The following TNFRSF19 variants were observed in gnomAD, a reference collection of about 807,000 sequenced individuals.
TNFRSF19 encodes TNF receptor superfamily member 19, also known as tumor necrosis factor receptor superfamily member 19.
TNFRSF19 carries 27 observed loss-of-function variants against 46.4 expected under a neutral mutation model. The observed-to-expected ratio is 0.58, with a 90% CI of 0.43 to 0.80. TNFRSF19 has a LOEUF of 0.80. TNFRSF19 is among the 30% of genes least tolerant of loss of function. The pLI, the probability that TNFRSF19 is intolerant of heterozygous loss-of-function variation, is 0.00. For missense variants in TNFRSF19, 511 were observed against 530.8 expected (o/e 0.96, Z 0.37); for synonymous variants, 204 against 205.0 (o/e 1.00, Z 0.04).
intron 4 of TNFRSF19, among the ~76,000 whole-genome samples, chr13:23,623,562 G>A (rs953829039): frequency 1.4e-4 from 21 of 152,082 alleles, no homozygotes; most frequent in African/African-American, 3.9e-4. Flanking sequence ...TTATTGTCCC[G>A]TCAGCAGTAT....
In TNFRSF19 at chr13:23,659,866, T is replaced by C. The variant is rs1023083267; in HGVS notation, c.611-499T>C. Among the ~76,000 whole-genome samples, 3 of 152,140 alleles carry C rather than the reference T, an allele frequency of 2.0e-5. No homozygotes were observed. The highest frequency in any genetic ancestry group is 7.2e-5 in the African/African-American group (3 of 41,424). On this transcript the variant is annotated intron_variant, in intron 6 of 9. Coordinates refer to ENST00000248484, the MANE Select transcript of TNFRSF19 (RefSeq NM_148957.4). The surrounding 1 kb of genome is among the most constrained non-coding windows in gnomAD (Gnocchi z 4.9). ...TAAGCTAGAGAAAAGAAAATGTTACTAAGAGAATCATAAGGGAGACAAAAT... is the reference window on the plus strand; with the variant it reads ...TAAGCTAGAGAAAAGAAAATGTTACCAAGAGAATCATAAGGGAGACAAAAT...
At position 23,570,485 on chromosome 13, in the gene TNFRSF19, G is replaced by A. The variant is rs950055203; in HGVS notation, c.-398G>A. 1.3e-5 allele frequency: 2 copies of A among 152,398 alleles called. No individual in the cohort carries two copies. The highest frequency in any genetic ancestry group is 4.2e-4 in the South Asian group (2 of 4,814). The allele number at this position is 152,398 out of a possible 1,614,324, so 9.4% of individuals were successfully genotyped here. A position where few individuals can be genotyped will look rare whatever the true frequency, so the allele number is the denominator to read the frequency against. On this transcript the variant is annotated 5_prime_UTR_variant, in exon 1 of 10. Transcript: ENST00000248484. ...AAAAAGCTACAGATCCAGCCACTCA[G>A]CCCAAGCATGGGAGAACTACCAGCA...
chr13:23,659,078 C>G lies in TNFRSF19; in HGVS notation c.474C>G (p.Ile158Met), dbSNP rs564197373. 5 of 1,613,918 alleles carry G rather than the reference C, an allele frequency of 3.1e-6. No homozygotes were observed. In the African/African-American group the frequency reaches 6.7e-5, roughly 22 times the overall value. Residue 158 changes from isoleucine to methionine, a missense_variant, in exon 6 of 10, where the codon ATC becomes ATG. Ile to Met is a conservative substitution (Grantham distance 10, BLOSUM62 1). Transcript: ENST00000248484. This position sits in a 1 kb window ranked among gnomAD's most constrained non-coding sequence, Gnocchi z 4.9. ...HCASKVNLVK[I>M]ASTASSPRDT... is the part of the protein sequence containing the mutation. ...CCAGCAAGGTCAACCTCGTGAAGAT[C>G]GCGTCCACGGCCTCCAGCCCACGGG...
intron 5 of TNFRSF19, among the ~76,000 whole-genome samples, chr13:23,657,229 C>T (rs1040390331): frequency 7.2e-5 from 11 of 152,178 alleles, no homozygotes; most frequent in Admixed American, 6.5e-4. Flanking sequence ...TACCAAGACT[C>T]ATGCTCCAAG....
intron 1 of TNFRSF19, among the ~76,000 whole-genome samples, chr13:23,589,437 A>G (rs557003927): frequency 6.6e-6 from 1 of 152,366 alleles, no homozygotes; most frequent in African/African-American, 2.4e-5. Context: ...GAAAGAATTC[A>G]TAAATGCAAA....
intron 5 of TNFRSF19, among the ~76,000 whole-genome samples, chr13:23,630,411 C>T (rs375324835): frequency 7.9e-5 from 12 of 151,566 alleles, no homozygotes; most frequent in Middle Eastern, 3.4e-3. Context: ...CCCTCTCTAT[C>T]TGGATCTGAG....
rs943094780 is a variant in TNFRSF19 at position 23,670,451 on chromosome 13, C to T, written c.1245+1354C>T. Among the ~76,000 whole-genome samples, 20 of 152,152 alleles carry T rather than the reference C, an allele frequency of 1.3e-4. 1 individual carries two copies. The highest frequency in any genetic ancestry group is 3.3e-4 in the Admixed American group (5 of 15,292). On this transcript the variant is annotated intron_variant, in intron 9 of 9. Transcript: ENST00000248484. The stretch of plus-strand genomic sequence containing the variant: ...GAATGGAGAAGTAAGAGAAGGGAGA[C>T]GAGTGAATGAAGGAAAAACAAATTA...
At chr13:23,598,195 T>G (rs1473352289) in intron 3 of TNFRSF19, among the ~76,000 whole-genome samples, 1 of 151,950 alleles carries the variant, frequency 6.6e-6, no homozygotes, top group Non-Finnish European at 1.5e-5. Flanking sequence ...TGAGAACACA[T>G]GGACACAGGG....
At chr13:23,629,076 C>T (rs1302220293) in intron 5 of TNFRSF19, among the ~76,000 whole-genome samples, 1 of 145,356 alleles carries the variant, frequency 6.9e-6, no homozygotes, top group Admixed American at 7.0e-5. Flanking sequence ...TTCATTTCTT[C>T]CACTTTGGGC....
At chr13:23,642,023 C>G (rs1883059012) in intron 5 of TNFRSF19, among the ~76,000 whole-genome samples, 1 of 152,138 alleles carries the variant, frequency 6.6e-6, no homozygotes, top group Non-Finnish European at 1.5e-5. Context: ...TACACTATGT[C>G]AAAATTGCAA....
At chr13:23,669,229 T>A in intron 9 of TNFRSF19, 132 bp downstream of exon 9, 1 of 1,417,904 alleles carries the variant, frequency 7.1e-7, no homozygotes, top group Non-Finnish European at 9.2e-7. Context: ...TTGTATGTTG[T>A]AGAGTATGTT....
At chr13:23,622,938 G>A (rs1881766480) in intron 4 of TNFRSF19, among the ~76,000 whole-genome samples, 1 of 152,140 alleles carries the variant, frequency 6.6e-6, no homozygotes. Flanking sequence ...TAAAAAAATT[G>A]TATATGCATT....
intron 5 of TNFRSF19, among the ~76,000 whole-genome samples, chr13:23,641,151 T>C (rs1429725377): frequency 6.6e-6 from 1 of 152,240 alleles, no homozygotes; most frequent in African/African-American, 2.4e-5. Flanking sequence ...AATTCTCTAA[T>C]GATCTATTTA....
chr13:23,577,103 C>T (rs1878011585), intron 1 of TNFRSF19, among the ~76,000 whole-genome samples: 1 of 152,204 alleles, frequency 6.6e-6, no homozygotes, highest in African/African-American at 2.4e-5. Context: ...ATATGGAGAA[C>T]CAGAAACTTA....
intron 1 of TNFRSF19, among the ~76,000 whole-genome samples, chr13:23,574,187 T>C (rs1246207240): frequency 2.0e-5 from 3 of 152,164 alleles, no homozygotes; most frequent in Middle Eastern, 3.2e-3. Flanking sequence ...TAATAGGGCT[T>C]ATCACCCTCT....
intron 1 of TNFRSF19, among the ~76,000 whole-genome samples, chr13:23,574,905 C>T (rs539089702): frequency 2.5e-3 from 379 of 152,340 alleles, no homozygotes; most frequent in Non-Finnish European, 2.3e-3. Context: ...AGTTTAAAAC[C>T]CTCCTTTGTG....
chr13:23,673,382 G>T lies in TNFRSF19; in HGVS notation c.*2G>T. 2 of 1,605,112 alleles carry T rather than the reference G, an allele frequency of 1.2e-6. No homozygotes were observed. Among genetic ancestry groups the T allele is most frequent in the Non-Finnish European group, 1.7e-6 (2 of 1,174,800 alleles). On this transcript the variant is annotated 3_prime_UTR_variant, in exon 10 of 10. Transcript: ENST00000248484. ...CTGTTGCTGTTTTAGGAAGCTTAAA[G>T]AACCTGCTTCTTTCTGCAGTAGAAG...
intron 3 of TNFRSF19, among the ~76,000 whole-genome samples, chr13:23,606,640 G>A (rs960996948): frequency 6.6e-6 from 1 of 152,158 alleles, no homozygotes; most frequent in Non-Finnish European, 1.5e-5. Flanking sequence ...ATATAAAAAT[G>A]AATGAATTTG....
At chr13:23,654,717 G>A (rs1483507683) in intron 5 of TNFRSF19, among the ~76,000 whole-genome samples, 2 of 152,222 alleles carry the variant, frequency 1.3e-5, no homozygotes, top group Admixed American at 1.3e-4. Context: ...GTCTACTAGA[G>A]GGGCTCAGAA....
Sources: gnomAD v4.1 joint callset for allele counts (sites outside exome capture counted in the v4.1 genomes callset) on GRCh38, gnomAD v4.1.1 for gene constraint, Gnocchi (gnomAD v3.1) non-coding constraint, MANE v1.5 for transcripts, NCBI Gene and HGNC (gene_info 2026-07-23, HGNC 2026-07-21) for gene names.